Variants in TEKT3 observed in about 807,000 individuals in gnomAD.
TEKT3 encodes tektin 3, also known as tektin-3.
In TEKT3, 49 loss-of-function variants were observed where a neutral mutation model predicts 49.8. The ratio of observed to expected loss-of-function variants is 0.98; its 90% CI spans 0.78 to 1.25. TEKT3 has a LOEUF of 1.25. Among genes scored for constraint, TEKT3 ranks in the 50% most tolerant of loss-of-function variants. The pLI is 0.00. For synonymous variants in TEKT3, 225 were observed against 237.2 expected, an observed-to-expected ratio of 0.95 and a Z score of 0.47; for missense variants, 595 against 629.5, an observed-to-expected ratio of 0.95 and a Z score of 0.59.
intron 8 of TEKT3, among the ~76,000 whole-genome samples, chr17:15,307,318 G>A (rs1179618177): frequency 6.6e-6 from 1 of 152,208 alleles, no homozygotes; most frequent in African/African-American, 2.4e-5. Context: ...AAATGGCTTG[G>A]TGGAATAGAA....
intron 2 of TEKT3, among the ~76,000 whole-genome samples, chr17:15,332,338 G>A (rs1177399518): frequency 2.6e-5 from 4 of 152,200 alleles, no homozygotes; most frequent in African/African-American, 7.2e-5. Flanking sequence ...TCTGAGCCAT[G>A]AGAAAAGAGA....
intron 1 of TEKT3, chr17:15,340,597 A>T (rs1912184273): frequency 6.6e-6 from 1 of 152,208 alleles, no homozygotes; most frequent in African/African-American, 2.4e-5. Context: ...TAGTAAAAGT[A>T]TAAAAATATG....
upstream of TEKT3, among the ~76,000 whole-genome samples, chr17:15,342,628 G>A (rs1285554803): frequency 6.6e-6 from 1 of 152,166 alleles, no homozygotes; most frequent in African/African-American, 2.4e-5. Context: ...GAGTTTATTA[G>A]AGGCTGACTC....
intron 5 of TEKT3, among the ~76,000 whole-genome samples, chr17:15,318,096 T>G (rs890295771): frequency 6.6e-6 from 1 of 151,300 alleles, no homozygotes; most frequent in Admixed American, 6.6e-5. Context: ...TTCACGCCAT[T>G]CTCTTGCCTC....
chr17:15,319,320 A>G (rs1911153995), intron 4 of TEKT3, among the ~76,000 whole-genome samples, 173 bp from the exon 5 acceptor site: 1 of 152,190 alleles, frequency 6.6e-6, no homozygotes, highest in Non-Finnish European at 1.5e-5. Flanking sequence ...ATGATACTGG[A>G]ATCTAAATAT....
At chr17:15,317,307 C>T (rs1319766175) in intron 5 of TEKT3, among the ~76,000 whole-genome samples, 1 of 152,166 alleles carries the variant, frequency 6.6e-6, no homozygotes. Flanking sequence ...CACGGTAGAA[C>T]AATCTAGGCC....
At chr17:15,336,561 G>GA (rs74330298) in intron 2 of TEKT3, among the ~76,000 whole-genome samples, 216 of 143,592 alleles carry the variant, frequency 1.5e-3, no homozygotes, top group Middle Eastern at 7.4e-3. Context: ...GTGCTAATAA[G>GA]AAAAAAAAAA....
At position 15,315,549 on chromosome 17, in the gene TEKT3, T is replaced by C. The variant is rs146723325; in HGVS notation, c.735-1319A>G. ...TCAGATTCTGGATATGGTTTGAAGA[T>C]AGAACCAAGAGAATCTCCTATGAAA... On this transcript the variant is annotated intron_variant, in intron 5 of 8. Coordinates refer to ENST00000395930, the MANE Select transcript of TEKT3 (RefSeq NM_031898.3). 8.2e-3 allele frequency among the ~76,000 whole-genome samples: 1,113 copies of C among 135,242 alleles called. 12 individuals are homozygous for C. Among genetic ancestry groups the C allele is most frequent in the African/African-American group, 0.029 (1,031 of 35,366 alleles). The allele number at this position is 135,242 out of a possible 152,430, so 88.7% of individuals were successfully genotyped here.
At chr17:15,308,929 A>G in intron 7 of TEKT3, 111 bp from the exon 8 acceptor site, 1 of 1,332,232 alleles carries the variant, frequency 7.5e-7, no homozygotes, top group Non-Finnish European at 1.0e-6. Flanking sequence ...GACCTCGCTG[A>G]TGAGGAAGTT....
At chr17:15,314,312 G>T in intron 5 of TEKT3, 82 bp from the exon 6 acceptor site, 1 of 1,563,194 alleles carries the variant, frequency 6.4e-7, no homozygotes. Flanking sequence ...TTCCATATTG[G>T]GACCTCTCTC....
At chr17:15,309,397 A>AT (rs1012390088) in intron 7 of TEKT3, among the ~76,000 whole-genome samples, 15 of 151,840 alleles carry the variant, frequency 9.9e-5, no homozygotes, top group Admixed American at 1.3e-4. Flanking sequence ...TGTATTCCTG[A>AT]TTTTGTATTC....
At chr17:15,318,585 AGTGCAGTAGCACAATCAG>A (rs1911119725) in intron 5 of TEKT3, among the ~76,000 whole-genome samples, 1 of 152,090 alleles carries the variant, frequency 6.6e-6, no homozygotes, top group Middle Eastern at 3.2e-3. Context: ...CCCAGGCTGG[AGTGCAGTAGCACAATCAG>A]AGCTCATCAC....
chr17:15,307,454 T>C lies in TEKT3; in HGVS notation c.1256+1210A>G, dbSNP rs550080722. On this transcript the variant is annotated intron_variant, in intron 8 of 8. Transcript: ENST00000395930. ...TGTAATATGAAGGTAATGAATGAGA[T>C]AGTATAAAGTGCTTAGGGCAGTGCC... 2.3e-3 allele frequency among the ~76,000 whole-genome samples: 355 copies of C among 152,322 alleles called. 3 individuals carry two copies. The highest frequency in any genetic ancestry group is 8.3e-3 in the African/African-American group (346 of 41,578).
intron 3 of TEKT3, 39 bp from the exon 4 acceptor site, chr17:15,328,114 T>C: frequency 6.6e-7 from 1 of 1,518,010 alleles, no homozygotes; most frequent in South Asian, 1.1e-5. Context: ...TAATAAAAAC[T>C]GACAATCCAT....
At chr17:15,331,912 G>A (rs886256227) in intron 2 of TEKT3, among the ~76,000 whole-genome samples, 33 of 152,112 alleles carry the variant, frequency 2.2e-4, no homozygotes, top group African/African-American at 8.0e-4. Context: ...CAAATTAGGA[G>A]CCTAAACTAT....
rs113735816 is a variant in TEKT3 at position 15,316,188 on chromosome 17, C to G, written c.735-1958G>C. ...TGCTGAAATTCTAGGACTAGAAGGCCTTTCTCCTTTGGTCTGGGACCAAGA... is the reference window on the plus strand; with the variant it reads ...TGCTGAAATTCTAGGACTAGAAGGCGTTTCTCCTTTGGTCTGGGACCAAGA... On this transcript the variant is annotated intron_variant, in intron 5 of 8. Coordinates refer to ENST00000395930, the MANE Select transcript of TEKT3 (RefSeq NM_031898.3). 4.9e-3 allele frequency among the ~76,000 whole-genome samples: 747 copies of G among 152,294 alleles called. 9 individuals carry two copies. Among genetic ancestry groups the G allele is most frequent in the African/African-American group, 0.017 (690 of 41,550 alleles).
intron 4 of TEKT3, among the ~76,000 whole-genome samples, chr17:15,324,630 G>A (rs967988817): frequency 6.6e-6 from 1 of 151,840 alleles, no homozygotes; most frequent in Non-Finnish European, 1.5e-5. Flanking sequence ...TATCCTCATG[G>A]GTATGAAGTC....
chr17:15,325,962 G>A (rs761269217), intron 4 of TEKT3, among the ~76,000 whole-genome samples: 7 of 152,118 alleles, frequency 4.6e-5, no homozygotes, highest in Non-Finnish European at 7.3e-5. Flanking sequence ...ACTCCTGTCC[G>A]GCAATAGGGA....
intron 2 of TEKT3, among the ~76,000 whole-genome samples, chr17:15,333,796 G>C (rs1426679209): frequency 1.4e-5 from 2 of 143,920 alleles, no homozygotes; most frequent in Non-Finnish European, 3.1e-5. Flanking sequence ...GTCTCGCTCT[G>C]TCGCCCAGGC....
Sources: gnomAD v4.1 joint callset for allele counts (sites outside exome capture counted in the v4.1 genomes callset) on GRCh38, gnomAD v4.1.1 for gene constraint, MANE v1.5 for transcripts, NCBI Gene and HGNC (gene_info 2026-07-23, HGNC 2026-07-21) for gene names.